The following ROBO1 variants were observed in gnomAD, a reference collection of about 807,000 sequenced individuals.
The protein encoded by ROBO1 is roundabout homolog 1.
Under a neutral mutation model 195.9 loss-of-function variants are expected in ROBO1, and 149 were observed. The ratio of observed to expected loss-of-function variants is 0.76; its 90% CI spans 0.67 to 0.87. The LOEUF is 0.87. Among genes scored for constraint, ROBO1 ranks in the 40% least tolerant of loss-of-function variants. ROBO1 has a pLI of 0.00. For synonymous variants in ROBO1, 816 were observed against 733.2 expected (o/e 1.11, Z -1.82); for missense variants, 1,933 against 2,068.3 (o/e 0.93, Z 1.27).
intron 8 of ROBO1, among the ~76,000 whole-genome samples, chr3:78,700,159 G>A (rs932374198): frequency 7.2e-5 from 11 of 152,122 alleles, no homozygotes; most frequent in African/African-American, 2.4e-4. Context: ...TGGAAGAAAT[G>A]ACAATAATGT....
chr3:78,964,202 G>T (rs1315886208), intron 3 of ROBO1, among the ~76,000 whole-genome samples: 1 of 152,064 alleles, frequency 6.6e-6, no homozygotes, highest in African/African-American at 2.4e-5. Flanking sequence ...AGCCATATTG[G>T]ATTAGGGCCC....
At chr3:78,755,187 A>G (rs2108329071) in intron 4 of ROBO1, among the ~76,000 whole-genome samples, 1 of 152,306 alleles carries the variant, frequency 6.6e-6, no homozygotes, top group East Asian at 1.9e-4. Context: ...ATGGACGTGG[A>G]GGCCAGGTGT....
chr3:78,869,596 C>G (rs897657940), intron 4 of ROBO1, among the ~76,000 whole-genome samples: 11 of 151,964 alleles, frequency 7.2e-5, no homozygotes, highest in African/African-American at 2.7e-4. Flanking sequence ...TAGCTGGGAC[C>G]ACAAGTGCGC....
intron 1 of ROBO1, among the ~76,000 whole-genome samples, chr3:79,607,236 A>G (rs573396897): frequency 6.6e-6 from 1 of 151,530 alleles, no homozygotes; most frequent in Non-Finnish European, 1.5e-5. Flanking sequence ...TAAGGTTAAT[A>G]TATTTAAAAT....
chr3:79,040,191 A>C (rs1277280972), intron 3 of ROBO1, among the ~76,000 whole-genome samples: 1 of 152,190 alleles, frequency 6.6e-6, no homozygotes, highest in Non-Finnish European at 1.5e-5. Context: ...GCGACAAGAG[A>C]TAAAGATTCG....
intron 2 of ROBO1, among the ~76,000 whole-genome samples, chr3:79,469,496 A>G (rs1938150894): frequency 6.6e-6 from 1 of 152,218 alleles, no homozygotes; most frequent in South Asian, 2.1e-4. Flanking sequence ...CTTTAAAATT[A>G]AGAAGAAATG....
At chr3:79,707,308 T>C (rs540702158) in intron 1 of ROBO1, among the ~76,000 whole-genome samples, 2 of 152,202 alleles carry the variant, frequency 1.3e-5, no homozygotes, top group Non-Finnish European at 2.9e-5. Context: ...TATGCCATTA[T>C]TATCCTTTTA....
At chr3:78,979,006 G>T (rs960595745) in intron 3 of ROBO1, among the ~76,000 whole-genome samples, 1 of 152,110 alleles carries the variant, frequency 6.6e-6, no homozygotes, top group Non-Finnish European at 1.5e-5. Context: ...CTTATTCATG[G>T]TTAAGTAATT....
In ROBO1 at chr3:78,769,907, A is replaced by G. The variant is rs1188127321; in HGVS notation, c.500-23007T>C. Among the ~76,000 whole-genome samples, 3 of 152,088 alleles carry G rather than the reference A, an allele frequency of 2.0e-5. 1 individual carries two copies. Among genetic ancestry groups the G allele is most frequent in the African/African-American group, 7.2e-5 (3 of 41,398 alleles). ...TTGAGGAGGCTGAAAATAGGTCCCC[A>G]ATCCCTCCTAGCTTGTAGGGCTTCT... On this transcript the variant is annotated intron_variant, in intron 4 of 30. Transcript: ENST00000464233.
intron 5 of ROBO1, among the ~76,000 whole-genome samples, chr3:78,720,601 C>A (rs568733627): frequency 2.0e-5 from 3 of 152,160 alleles, no homozygotes; most frequent in African/African-American, 7.2e-5. Flanking sequence ...TGGGTATATA[C>A]CCAAAGGATT....
At chr3:78,736,875 A>G (rs1177887065) in intron 5 of ROBO1, among the ~76,000 whole-genome samples, 1 of 152,184 alleles carries the variant, frequency 6.6e-6, no homozygotes, top group East Asian at 1.9e-4. Context: ...GTGTGTGGAA[A>G]GTTTCAGGAT....
chr3:78,849,517 CTT>C (rs2033898002), intron 4 of ROBO1, among the ~76,000 whole-genome samples: 2 of 152,154 alleles, frequency 1.3e-5, no homozygotes, highest in East Asian at 1.9e-4. Context: ...CAGTTAGTCT[CTT>C]TTTGATAGTC....
Position 79,496,387 on chromosome 3 carries a change from C to CAT in ROBO1, c.88+93436_88+93437insAT, listed in dbSNP as rs145186389. On this transcript the variant is annotated intron_variant, in intron 2 of 30. Coordinates refer to ENST00000464233, the MANE Select transcript of ROBO1 (RefSeq NM_002941.4). ...TTTTGGTATAATGCTGCGCACCCAT[C>CAT]TTTTTTTGAGACGGAGTCTCGCTCT... Among the ~76,000 whole-genome samples the CAT allele has an allele frequency of 1.0e-3, 116 of 112,580 alleles. 5 individuals carry two copies. The highest frequency in any genetic ancestry group is 1.8e-3 in the South Asian group (6 of 3,300). 73.9% of individuals were successfully genotyped at this position (112,580 alleles called of 152,430 possible). A position where few individuals can be genotyped will look rare whatever the true frequency, so the allele number is the denominator to read the frequency against.
At chr3:79,351,660 T>G (rs1252841719) in intron 2 of ROBO1, among the ~76,000 whole-genome samples, 1 of 152,188 alleles carries the variant, frequency 6.6e-6, no homozygotes, top group African/African-American at 2.4e-5. Context: ...TCAATTACAC[T>G]GTTTGAATAG....
chr3:78,860,290 A>T (rs1242746763), intron 4 of ROBO1, among the ~76,000 whole-genome samples: 3 of 138,244 alleles, frequency 2.2e-5, no homozygotes, highest in Admixed American at 7.5e-5. Context: ...TTGAGAGGAA[A>T]ATTGAAATAT....
At position 79,720,792 on chromosome 3, in the gene ROBO1, A is replaced by ATTT. The variant is rs36105372; in HGVS notation, c.-51+46957_-51+46959dup. On this transcript the variant is annotated intron_variant, in intron 1 of 30. Coordinates refer to ENST00000464233, the MANE Select transcript of ROBO1 (RefSeq NM_002941.4). Reference sequence around the variant, plus strand: ...CACATACATAATTAAGGAGTTGCTAATTTTTTTTTTTTTTTTTTAAGATGG... The same window carrying ATTT: ...CACATACATAATTAAGGAGTTGCTAATTTTTTTTTTTTTTTTTTTTTAAGATGG... Among the ~76,000 whole-genome samples, 711 of 142,998 alleles carry ATTT rather than the reference A, an allele frequency of 5.0e-3. 7 individuals carry two copies. Among genetic ancestry groups the ATTT allele is most frequent in the South Asian group, 0.018 (80 of 4,478 alleles). The allele number at this position is 142,998 out of a possible 152,430, so 93.8% of individuals were successfully genotyped here.
intron 2 of ROBO1, among the ~76,000 whole-genome samples, chr3:79,395,340 A>AAAAAAAAAAAG (rs71631648): frequency 5.0e-5 from 6 of 119,058 alleles, no homozygotes; most frequent in Admixed American, 1.0e-4. Flanking sequence ...AAAAAAAAAA[A>AAAAAAAAAAAG]AAAGAAAGAA....
At chr3:78,620,885 G>GTGTGTGTA (rs1489617441) in intron 26 of ROBO1, among the ~76,000 whole-genome samples, 3 of 87,156 alleles carry the variant, frequency 3.4e-5, no homozygotes, top group Non-Finnish European at 8.1e-5. Flanking sequence ...ATATATATAT[G>GTGTGTGTA]TGTGTGTGTG....
intron 10 of ROBO1, among the ~76,000 whole-genome samples, chr3:78,673,577 T>TAA (rs1708211133): frequency 1.9e-4 from 9 of 48,000 alleles, no homozygotes; most frequent in Non-Finnish European, 1.7e-4. Flanking sequence ...TATATATATA[T>TAA]ATATATATAT....
Sources: allele counts gnomAD v4.1 joint callset (sites outside exome capture counted in the v4.1 genomes callset), GRCh38; gene constraint gnomAD v4.1.1; transcripts MANE v1.5; gene names NCBI Gene and HGNC (gene_info 2026-07-23, HGNC 2026-07-21).